The following PCGF3 variants were observed in gnomAD, a reference collection of about 807,000 sequenced individuals.
The protein encoded by PCGF3 is polycomb group RING finger protein 3.
In PCGF3, 7 loss-of-function variants were observed where a neutral mutation model predicts 33.1. The observed-to-expected ratio is 0.21, with a 90% CI of 0.12 to 0.40. PCGF3 has a LOEUF of 0.40. PCGF3 is among the 10% of genes least tolerant of loss of function. PCGF3 has a pLI of 1.00. For synonymous variants in PCGF3, 153 were observed against 121.3 expected, an observed-to-expected ratio of 1.26 and a Z score of -1.72; for missense variants, 211 against 313.3, an observed-to-expected ratio of 0.67 and a Z score of 2.46.
chr4:760,511 C>T (rs1366931732), intron 8 of PCGF3, among the ~76,000 whole-genome samples: 3 of 152,184 alleles, frequency 2.0e-5, no homozygotes, highest in Non-Finnish European at 2.9e-5. Context: ...CCCGTCTGTA[C>T]CCCTGGTGTC....
Position 733,592 on chromosome 4 carries a change from G to C in PCGF3, c.-9-80G>C, listed in dbSNP as rs982849869. On this transcript the variant is annotated intron_variant, in intron 3 of 10. Coordinates refer to ENST00000362003, the Ensembl canonical transcript of PCGF3. The stretch of plus-strand genomic sequence containing the variant: ...CTCAGGGCCTGCACTGTCCTCCCTG[G>C]GGGCGGCTGTCAGAGCTCAGCCAAG... 7.7e-6 allele frequency: 11 copies of C among 1,432,312 alleles called. No individual in the cohort carries two copies. The African/African-American group carries it at 1.6e-4, about 20-fold the overall frequency. The allele number at this position is 1,432,312 out of a possible 1,614,324, so 88.7% of individuals were successfully genotyped here.
At chr4:743,311 C>T (rs1441409691) in intron 6 of PCGF3, among the ~76,000 whole-genome samples, 163 bp from the exon 7 acceptor site, 1 of 152,212 alleles carries the variant, frequency 6.6e-6, no homozygotes, top group South Asian at 2.1e-4. Flanking sequence ...TCCCGCTGTG[C>T]TGAGCCCCCA....
At chr4:713,371 G>T (rs1245734508) in intron 1 of PCGF3, among the ~76,000 whole-genome samples, 2 of 146,084 alleles carry the variant, frequency 1.4e-5, no homozygotes, top group Non-Finnish European at 3.0e-5. Context: ...TGTCTCATGG[G>T]AGCCGTGGCC....
chr4:758,757 C>T (rs1398445778), intron 8 of PCGF3, among the ~76,000 whole-genome samples: 1 of 28,884 alleles, frequency 3.5e-5, no homozygotes, highest in African/African-American at 9.0e-5. Context: ...CCGAGCTCTT[C>T]TTGCTCCGGA....
At chr4:736,290 T>G (rs1035056527) in intron 5 of PCGF3, among the ~76,000 whole-genome samples, 3 of 152,182 alleles carry the variant, frequency 2.0e-5, no homozygotes, top group Non-Finnish European at 4.4e-5. Flanking sequence ...TCAGGTCATC[T>G]GCCCGCCTCA....
At chr4:747,845 GGCT>G (rs1744330616) in intron 8 of PCGF3, among the ~76,000 whole-genome samples, 1 of 151,946 alleles carries the variant, frequency 6.6e-6, no homozygotes, top group South Asian at 2.1e-4. Context: ...AGCACCCAAG[GGCT>G]GCTGTTTTCT....
intron 9 of PCGF3, among the ~76,000 whole-genome samples, chr4:763,307 A>G (rs764048563): frequency 7.2e-5 from 11 of 152,100 alleles, no homozygotes; most frequent in Non-Finnish European, 1.5e-4. Context: ...GCTGCCGGAC[A>G]GTGGGGCTGC....
At chr4:750,687 C>T (rs999596666) in intron 8 of PCGF3, among the ~76,000 whole-genome samples, 2 of 152,150 alleles carry the variant, frequency 1.3e-5, no homozygotes, top group South Asian at 2.1e-4. Context: ...TTGTGAACTC[C>T]GACATCCAAG....
chr4:734,040 C>T, intron 4 of PCGF3: 1 of 1,550,730 alleles, frequency 6.4e-7, no homozygotes. Flanking sequence ...CCACATTCCT[C>T]CCACGGAGCA....
intron 8 of PCGF3, among the ~76,000 whole-genome samples, chr4:758,612 C>T (rs2152617239): frequency 7.4e-6 from 1 of 135,190 alleles, no homozygotes; most frequent in South Asian, 2.6e-4. Flanking sequence ...ATCCCGACTC[C>T]AGTTCTTTCT....
exon 11 of PCGF3, chr4:766,202 A>G (rs1200971206): frequency 1.4e-6 from 1 of 727,736 alleles, no homozygotes; most frequent in Non-Finnish European, 2.3e-6. Context: ...AATATTTATA[A>G]CTTTTGTATG....
intron 9 of PCGF3, among the ~76,000 whole-genome samples, chr4:763,278 T>C (rs911862700): frequency 3.3e-5 from 5 of 152,186 alleles, no homozygotes; most frequent in East Asian, 3.9e-4. Flanking sequence ...TGGATTTTCA[T>C]GTGGAGGTGT....
At chr4:753,937 A>G (rs1744649923) in intron 8 of PCGF3, among the ~76,000 whole-genome samples, 1 of 152,194 alleles carries the variant, frequency 6.6e-6, no homozygotes, top group African/African-American at 2.4e-5. Context: ...CTGACCTTCT[A>G]CGAACCCTAC....
intron 7 of PCGF3, among the ~76,000 whole-genome samples, chr4:744,259 G>A (rs1577424908): frequency 6.6e-6 from 1 of 152,244 alleles, no homozygotes; most frequent in Non-Finnish European, 1.5e-5. Flanking sequence ...AAGGCTTTCA[G>A]ATCGAGGGGC....
intron 8 of PCGF3, among the ~76,000 whole-genome samples, chr4:748,097 C>T (rs112107909): frequency 3.9e-5 from 6 of 152,258 alleles, no homozygotes; most frequent in Admixed American, 1.3e-4. Flanking sequence ...TCGAGGGCCT[C>T]TTCGTGTGTC....
At chr4:760,536 TTTTGTAA>T (rs1337128495) in intron 8 of PCGF3, among the ~76,000 whole-genome samples, 1 of 152,260 alleles carries the variant, frequency 6.6e-6, no homozygotes, top group Non-Finnish European at 1.5e-5. Context: ...CTTTTGTATC[TTTTGTAA>T]TTTTAGACAT....
At chr4:731,215 A>G in intron 3 of PCGF3, 105 bp downstream of exon 3, 1 of 398,404 alleles carries the variant, frequency 2.5e-6, no homozygotes, top group Non-Finnish European at 4.4e-6. Flanking sequence ...GCTGGTCAGG[A>G]CACGATGCAG....
At position 766,013 on chromosome 4, in the gene PCGF3, G is replaced by A. The variant is rs779126005; in HGVS notation, c.682-19G>A. ...TCCACCCCTGCTAAGCAGGCACTGTGCGTTCTTGTGTCTTCCAGAAGGCGC... is the reference window on the plus strand; with the variant it reads ...TCCACCCCTGCTAAGCAGGCACTGTACGTTCTTGTGTCTTCCAGAAGGCGC... On this transcript the variant is annotated intron_variant, in intron 10 of 10. Coordinates refer to ENST00000362003, the Ensembl canonical transcript of PCGF3. The A allele has an allele frequency of 1.9e-6, 3 of 1,613,386 alleles. No individual in the cohort carries two copies. The highest frequency in any genetic ancestry group is 2.5e-6 in the Non-Finnish European group (3 of 1,179,348).
At chr4:768,923 T>A (rs1465389154) in exon 11 of PCGF3, 1 of 152,682 alleles carries the variant, frequency 6.5e-6, no homozygotes, top group African/African-American at 2.4e-5. Context: ...TTATTAGACA[T>A]CTGTTTAAAT....
Sources: allele counts gnomAD v4.1 joint callset (sites outside exome capture counted in the v4.1 genomes callset), GRCh38; gene constraint gnomAD v4.1.1; transcripts MANE v1.5; gene names NCBI Gene and HGNC (gene_info 2026-07-23, HGNC 2026-07-21).